The following PDSS2 variants were observed in gnomAD, a reference collection of about 807,000 sequenced individuals.
PDSS2 encodes decaprenyl diphosphate synthase subunit 2, also known as all trans-polyprenyl-diphosphate synthase PDSS2.
PDSS2 carries 31 observed loss-of-function variants against 44.5 expected under a neutral mutation model. The ratio of observed to expected loss-of-function variants is 0.70; its 90% CI spans 0.52 to 0.94. The LOEUF (loss-of-function observed/expected upper bound fraction) is 0.94. Ranked by LOEUF, PDSS2 falls within the 40% of genes least tolerant of loss-of-function variation. The pLI, the probability that PDSS2 is intolerant of heterozygous loss-of-function variation, is 0.00. For synonymous variants in PDSS2, 157 were observed against 180.3 expected (o/e 0.87, Z 1.03); for missense variants, 452 against 482.2 (o/e 0.94, Z 0.59).
At chr6:107,262,676 G>A (rs901369206) in intron 3 of PDSS2, among the ~76,000 whole-genome samples, 2 of 152,098 alleles carry the variant, frequency 1.3e-5, no homozygotes, top group African/African-American at 4.8e-5. Context: ...AGAGGCTGAG[G>A]TAGGAGAATC....
intron 1 of PDSS2, among the ~76,000 whole-genome samples, chr6:107,335,280 T>G (rs903921492): frequency 3.9e-5 from 6 of 152,146 alleles, no homozygotes; most frequent in Admixed American, 3.9e-4. Flanking sequence ...AATCATTTGC[T>G]CTGGTAACAA....
intron 1 of PDSS2, among the ~76,000 whole-genome samples, chr6:107,402,501 CAT>C (rs1221430829): frequency 4.1e-5 from 2 of 48,728 alleles, no homozygotes; most frequent in African/African-American, 6.3e-5. Context: ...TATATGTATA[CAT>C]ATATATACAC....
chr6:107,244,523 A>AT (rs1180584378), intron 4 of PDSS2, among the ~76,000 whole-genome samples: 1 of 152,148 alleles, frequency 6.6e-6, no homozygotes, highest in Non-Finnish European at 1.5e-5. Context: ...CTGCATACCA[A>AT]TATGCTGCTT....
intron 4 of PDSS2, among the ~76,000 whole-genome samples, chr6:107,240,545 C>T (rs1041358802): frequency 1.3e-4 from 19 of 151,674 alleles, no homozygotes; most frequent in African/African-American, 2.9e-4. Flanking sequence ...ATTACAGGCG[C>T]GCACCACCAA....
intron 1 of PDSS2, among the ~76,000 whole-genome samples, chr6:107,406,301 A>G (rs903748366): frequency 1.3e-5 from 2 of 152,200 alleles, no homozygotes; most frequent in Non-Finnish European, 2.9e-5. Flanking sequence ...ACTTTTTTAG[A>G]TGATCAAAAA....
At chr6:107,352,627 C>G (rs1345857129) in intron 1 of PDSS2, among the ~76,000 whole-genome samples, 1 of 152,056 alleles carries the variant, frequency 6.6e-6, no homozygotes, top group African/African-American at 2.4e-5. Flanking sequence ...ATGTGAACAG[C>G]AAGAGGTGAT....
chr6:107,247,724 G>A (rs1326685828), intron 3 of PDSS2, among the ~76,000 whole-genome samples: 16 of 151,750 alleles, frequency 1.1e-4, no homozygotes, highest in Admixed American at 7.9e-4. Context: ...GTGTTTGGTC[G>A]GGTGCAGTGG....
chr6:107,258,482 A>AG (rs1249432932), intron 3 of PDSS2, among the ~76,000 whole-genome samples: 2 of 151,702 alleles, frequency 1.3e-5, no homozygotes, highest in African/African-American at 4.8e-5. Flanking sequence ...AAAAAAAAAA[A>AG]GTTGCTTTTG....
At chr6:107,353,269 A>G (rs1370390466) in intron 1 of PDSS2, among the ~76,000 whole-genome samples, 3 of 152,214 alleles carry the variant, frequency 2.0e-5, no homozygotes, top group Non-Finnish European at 2.9e-5. Flanking sequence ...CAATCATTTT[A>G]GATTAGGAAA....
chr6:107,434,399 T>C (rs1395280650), intron 1 of PDSS2, among the ~76,000 whole-genome samples: 2 of 152,220 alleles, frequency 1.3e-5, no homozygotes, highest in African/African-American at 4.8e-5. Context: ...GTGGTACATA[T>C]ACACAATGGA....
chr6:107,226,668 ATTTTTTT>A (rs61088823), intron 4 of PDSS2, among the ~76,000 whole-genome samples: 3 of 132,238 alleles, frequency 2.3e-5, no homozygotes, highest in Admixed American at 1.6e-4. Flanking sequence ...GGATTTTGGA[ATTTTTTT>A]TTTTTTTTTT....
intron 7 of PDSS2, among the ~76,000 whole-genome samples, chr6:107,176,270 G>A (rs750939464): frequency 6.6e-6 from 1 of 152,044 alleles, no homozygotes; most frequent in Non-Finnish European, 1.5e-5. Flanking sequence ...TCAAACTCCC[G>A]ACCTCAGGTG....
chr6:107,383,765 A>C (rs1779524327), intron 1 of PDSS2, among the ~76,000 whole-genome samples: 1 of 152,248 alleles, frequency 6.6e-6, no homozygotes, highest in South Asian at 2.1e-4. Context: ...GATGGCTAAA[A>C]TGAAAAAGAC....
intron 3 of PDSS2, among the ~76,000 whole-genome samples, chr6:107,260,280 A>C (rs1373928566): frequency 6.6e-6 from 1 of 152,230 alleles, no homozygotes; most frequent in Admixed American, 6.5e-5. Flanking sequence ...CTATGGCTAA[A>C]TAAATAAAAT....
chr6:107,200,053 G>T (rs1038375170), intron 6 of PDSS2, among the ~76,000 whole-genome samples: 5 of 152,278 alleles, frequency 3.3e-5, no homozygotes, highest in Non-Finnish European at 7.3e-5. Context: ...GTGTAATTAA[G>T]TGCTTCAACC....
chr6:107,162,668 C>G (rs1450924238), intron 7 of PDSS2, among the ~76,000 whole-genome samples: 2 of 129,768 alleles, frequency 1.5e-5, no homozygotes, highest in African/African-American at 6.1e-5. Flanking sequence ...AGTGCAGTGG[C>G]GCAATCTCAG....
chr6:107,313,552 C>T lies in PDSS2; in HGVS notation c.431+20646G>A, dbSNP rs567990596. On this transcript the variant is annotated intron_variant, in intron 2 of 7. Coordinates refer to ENST00000369037, the MANE Select transcript of PDSS2 (RefSeq NM_020381.4). ...ATTTTTAGTAGAGATGGGATTTCACCGTGTCGGCCAGGCTGGTCTCGAACT... is the reference window on the plus strand; with the variant it reads ...ATTTTTAGTAGAGATGGGATTTCACTGTGTCGGCCAGGCTGGTCTCGAACT... 4.6e-5 allele frequency among the ~76,000 whole-genome samples: 7 copies of T among 152,020 alleles called. No individual in the cohort carries two copies. The South Asian group carries it at 1.5e-3, about 32-fold the overall frequency.
intron 1 of PDSS2, among the ~76,000 whole-genome samples, chr6:107,381,257 C>G (rs1259634308): frequency 6.6e-6 from 1 of 152,158 alleles, no homozygotes; most frequent in Non-Finnish European, 1.5e-5. Context: ...GGAGCCAAAT[C>G]CAGCCCATCT....
At chr6:107,227,402 C>A (rs1047392020) in intron 4 of PDSS2, among the ~76,000 whole-genome samples, 4 of 150,020 alleles carry the variant, frequency 2.7e-5, no homozygotes, top group African/African-American at 9.9e-5. Context: ...GATTCTCGTG[C>A]CTCAGCCTCC....
Sources: allele counts gnomAD v4.1 joint callset (sites outside exome capture counted in the v4.1 genomes callset), GRCh38; gene constraint gnomAD v4.1.1; transcripts MANE v1.5; gene names NCBI Gene and HGNC (gene_info 2026-07-23, HGNC 2026-07-21).